KLHL7: variants seen among roughly 807,000 people sequenced by gnomAD.
KLHL7 encodes the protein kelch like family member 7, also known as kelch-like protein 7.
Under a neutral mutation model 67.4 loss-of-function variants are expected in KLHL7, and 44 were observed. That is an observed-to-expected ratio of 0.65 (90% CI 0.51 to 0.84). The LOEUF (loss-of-function observed/expected upper bound fraction) is 0.84. Ranked by LOEUF, KLHL7 falls within the 40% of genes least tolerant of loss-of-function variation. The pLI is 0.00. For missense variants in KLHL7, 362 were observed against 718.1 expected (o/e 0.50, Z 5.67); for synonymous variants, 252 against 243.3 (o/e 1.04, Z -0.33).
chr7:23,124,660 C>A (rs1467132504), intron 2 of KLHL7, 28 bp from the exon 3 acceptor site: 6 of 1,373,728 alleles, frequency 4.4e-6, no homozygotes, highest in African/African-American at 4.3e-5. Context: ...AGTACAGATG[C>A]CATTTATGTT....
intron 5 of KLHL7, among the ~76,000 whole-genome samples, chr7:23,143,357 T>C (rs1265756831): frequency 1.3e-5 from 2 of 152,228 alleles, no homozygotes; most frequent in Non-Finnish European, 2.9e-5. Context: ...GAATTCTTTA[T>C]ATCTTAAAGT....
At chr7:23,148,824 T>G (rs1784443993) in intron 6 of KLHL7, among the ~76,000 whole-genome samples, 1 of 152,248 alleles carries the variant, frequency 6.6e-6, no homozygotes, top group Admixed American at 6.5e-5. Context: ...GCTTTGTTGT[T>G]TAGTTTAACT....
intron 9 of KLHL7, chr7:23,171,124 C>A: frequency 3.3e-6 from 1 of 307,250 alleles, no homozygotes; most frequent in Admixed American, 4.2e-5. Flanking sequence ...CCAGGATGGC[C>A]TCCATCTCTT....
chr7:23,129,870 G>T, intron 4 of KLHL7: 1 of 154,166 alleles, frequency 6.5e-6, no homozygotes, highest in Non-Finnish European at 1.5e-5. Flanking sequence ...AGTAAGATGA[G>T]CAGAACCTCC....
At chr7:23,155,508 C>G (rs1292142943) in intron 7 of KLHL7, among the ~76,000 whole-genome samples, 2 of 151,674 alleles carry the variant, frequency 1.3e-5, no homozygotes, top group Non-Finnish European at 2.9e-5. Flanking sequence ...ACTAAAGCTA[C>G]AAAAAATTAG....
intron 1 of KLHL7, among the ~76,000 whole-genome samples, chr7:23,117,316 G>A (rs1368648956): frequency 6.6e-6 from 1 of 152,014 alleles, no homozygotes; most frequent in Admixed American, 6.6e-5. Flanking sequence ...TTGAACTCCT[G>A]ACCCCAGGTG....
chr7:23,146,619 C>G (rs796937178), intron 6 of KLHL7, among the ~76,000 whole-genome samples: 3 of 151,292 alleles, frequency 2.0e-5, no homozygotes, highest in Admixed American at 6.6e-5. Flanking sequence ...AAATTTTCCT[C>G]TTGTGCATTT....
At chr7:23,134,444 G>T (rs1583674049) in intron 4 of KLHL7, among the ~76,000 whole-genome samples, 1 of 152,242 alleles carries the variant, frequency 6.6e-6, no homozygotes, top group South Asian at 2.1e-4. Context: ...TCTGGTTTTG[G>T]TATTAGGGTA....
At position 23,106,128 on chromosome 7, in the gene KLHL7, G is replaced by GAATAACATGC; in HGVS notation, c.103_112dup (p.Arg38GlnfsTer2). The GAATAACATGC allele has an allele frequency of 6.2e-7, 1 of 1,610,690 alleles. No individual in the cohort carries two copies. The highest frequency in any genetic ancestry group is 8.5e-7 in the Non-Finnish European group (1 of 1,178,666). Reference sequence around the variant, plus strand: ...TGTTGGCGGGTTTCATGGGCGTCATGAATAACATGCGGAAACAGGTACCGC... The same window carrying GAATAACATGC: ...TGTTGGCGGGTTTCATGGGCGTCATGAATAACATGCAATAACATGCGGAAACAGGTACCGC... On this transcript the variant is annotated frameshift_variant, in exon 1 of 11. Coordinates refer to ENST00000339077, the MANE Select transcript of KLHL7 (RefSeq NM_001031710.3). LOFTEE classifies it high-confidence loss of function.
intron 4 of KLHL7, among the ~76,000 whole-genome samples, chr7:23,128,740 C>A (rs955498341): frequency 7.2e-5 from 11 of 152,122 alleles, no homozygotes; most frequent in Non-Finnish European, 1.6e-4. Context: ...CACTAGCAGT[C>A]ACTCCCCATT....
Position 23,174,623 on chromosome 7 carries a change from G to C in KLHL7, c.*325G>C, listed in dbSNP as rs567516489. ...TAGAAGATTGGCTCATCAGTGAAGC[G>C]CAGTATCTTAGCTCTAGATTCTATT... is the stretch of plus-strand genomic sequence containing the variant. On this transcript the variant is annotated 3_prime_UTR_variant, in exon 11 of 11. Transcript: ENST00000339077. 6.2e-6 allele frequency: 3 copies of C among 484,282 alleles called. No individual in the cohort carries two copies. The highest frequency in any genetic ancestry group is 1.2e-5 in the Non-Finnish European group (3 of 247,210). 30.0% of individuals were successfully genotyped at this position (484,282 alleles called of 1,614,324 possible).
chr7:23,106,618 G>A, intron 1 of KLHL7: 2 of 1,038,948 alleles, frequency 1.9e-6, no homozygotes, highest in Non-Finnish European at 2.3e-6. Flanking sequence ...TGTGTTCCCC[G>A]GTGGAGCTAG....
rs1244693880 is a variant in KLHL7, at chr7:23,177,310, A to T, written c.*3012A>T. The T allele has an allele frequency of 2.6e-5, 4 of 152,214 alleles. No homozygotes were observed. Among genetic ancestry groups the T allele is most frequent in the Non-Finnish European group, 5.9e-5 (4 of 68,026 alleles). The allele number at this position is 152,214 out of a possible 1,614,324, so 9.4% of individuals were successfully genotyped here. A position where few individuals can be genotyped will look rare whatever the true frequency, so the allele number is the denominator to read the frequency against. ...TACAATATAGCTATATAATTTGACA[A>T]TCTCCTATGTAGAATATACAGTACC... is the stretch of plus-strand genomic sequence containing the variant. On this transcript the variant is annotated 3_prime_UTR_variant, in exon 11 of 11. Coordinates refer to ENST00000339077, the MANE Select transcript of KLHL7 (RefSeq NM_001031710.3).
chr7:23,126,012 T>G, intron 4 of KLHL7: 1 of 710,164 alleles, frequency 1.4e-6, no homozygotes, highest in South Asian at 1.5e-5. Context: ...AGTAAAAGAT[T>G]AACAACAATA....
intron 4 of KLHL7, among the ~76,000 whole-genome samples, chr7:23,134,170 AT>A (rs1303376674): frequency 6.6e-6 from 1 of 151,652 alleles, no homozygotes; most frequent in Non-Finnish European, 1.5e-5. Context: ...AGGATGTTGA[AT>A]TTTTTCAAAT....
chr7:23,156,034 A>G (rs1185794089), intron 7 of KLHL7: 1 of 466,784 alleles, frequency 2.1e-6, no homozygotes. Context: ...TGGAAGTGAG[A>G]CTGTAACTTC....
At chr7:23,157,573 A>G (rs1583717084) in intron 7 of KLHL7, among the ~76,000 whole-genome samples, 1 of 148,876 alleles carries the variant, frequency 6.7e-6, no homozygotes, top group South Asian at 2.2e-4. Context: ...TCTCAGTTAT[A>G]TGCTCTGGTT....
At position 23,128,422 on chromosome 7, in the gene KLHL7, T is replaced by A. The variant is rs1241999663; in HGVS notation, c.442+3250T>A. Among the ~76,000 whole-genome samples the A allele has an allele frequency of 2.1e-4, 25 of 116,930 alleles. No homozygotes were observed. In the East Asian group the frequency reaches 2.7e-3, roughly 13 times the overall value. 76.7% of individuals were successfully genotyped at this position (116,930 alleles called of 152,430 possible). ...AATAAGACTACGACTTCTTTGGGTTTAAAAAAAAAAAAAAAAAAAAAAAAA... is the reference window on the plus strand; with the variant it reads ...AATAAGACTACGACTTCTTTGGGTTAAAAAAAAAAAAAAAAAAAAAAAAAA... On this transcript the variant is annotated intron_variant, in intron 4 of 10. Transcript: ENST00000339077.
chr7:23,129,992 T>C (rs1562564035), intron 4 of KLHL7, among the ~76,000 whole-genome samples: 1 of 152,194 alleles, frequency 6.6e-6, no homozygotes, highest in Admixed American at 6.5e-5. Flanking sequence ...TTATATTATT[T>C]CTACAGATTT....
Sources: gnomAD v4.1 joint callset for allele counts (sites outside exome capture counted in the v4.1 genomes callset) on GRCh38, gnomAD v4.1.1 for gene constraint, MANE v1.5 for transcripts, NCBI Gene and HGNC (gene_info 2026-07-23, HGNC 2026-07-21) for gene names.